The following DHRSX variants were observed in gnomAD, a reference collection of about 807,000 sequenced individuals.
The protein encoded by DHRSX is polyprenol dehydrogenase.
Under a neutral mutation model 34.0 loss-of-function variants are expected in DHRSX, and 31 were observed. The observed-to-expected ratio is 0.91, with a 90% CI of 0.69 to 1.23. DHRSX has a LOEUF of 1.23. DHRSX is among the 50% of genes most tolerant of loss of function. The pLI, the probability that DHRSX is intolerant of heterozygous loss-of-function variation, is 0.00. For synonymous variants in DHRSX, 201 were observed against 183.8 expected (o/e 1.09, Z -0.76); for missense variants, 414 against 428.1 (o/e 0.97, Z 0.29).
At chrX:2,474,573 G>A (rs1457841588) in intron 1 of DHRSX, among the ~76,000 whole-genome samples, 3 of 150,518 alleles carry the variant, frequency 2.0e-5, no homozygotes, top group African/African-American at 7.4e-5. Flanking sequence ...GCCACGCTGT[G>A]CATACTGAAG....
chrX:2,490,303 G>A (rs2045100107), intron 1 of DHRSX: 3 of 1,613,402 alleles, frequency 1.9e-6, no homozygotes, highest in South Asian at 2.2e-5. Context: ...TGGAGGCTGG[G>A]TACAGCCCCT....
In DHRSX at chrX:2,358,488, G is replaced by C. The variant is rs113399737; in HGVS notation, c.286+50257C>G. ...CGAGGCGGGTGGATCACAAGGTCAG[G>C]AGATCAAGACCATCCTGGCTAACAC... On this transcript the variant is annotated intron_variant, in intron 3 of 6. Transcript: ENST00000334651. Among the ~76,000 whole-genome samples, 708 of 151,986 alleles carry C rather than the reference G, an allele frequency of 4.7e-3. 12 individuals carry two copies. The highest frequency in any genetic ancestry group is 4.6e-3 in the Non-Finnish European group (312 of 67,932).
intron 3 of DHRSX, among the ~76,000 whole-genome samples, chrX:2,310,500 C>T (rs767289393): frequency 6.6e-6 from 1 of 151,644 alleles, no homozygotes; most frequent in South Asian, 2.1e-4. Context: ...CTAAGACCTA[C>T]TGTGAAAGAC....
chrX:2,306,247 G>A (rs984761895), intron 3 of DHRSX, among the ~76,000 whole-genome samples: 27 of 151,194 alleles, frequency 1.8e-4, no homozygotes, highest in Non-Finnish European at 2.9e-4. Context: ...GAGCTACCTC[G>A]CACCAAGAGA....
intron 4 of DHRSX, among the ~76,000 whole-genome samples, chrX:2,269,989 T>C (rs1485005170): frequency 6.6e-6 from 1 of 152,232 alleles, no homozygotes; most frequent in South Asian, 2.1e-4. Context: ...GTATCTTATA[T>C]GGAGCTATCT....
chrX:2,414,351 CA>C (rs1484601751), intron 2 of DHRSX, among the ~76,000 whole-genome samples: 2 of 151,888 alleles, frequency 1.3e-5, no homozygotes, highest in Non-Finnish European at 2.9e-5. Flanking sequence ...CATGACCTAA[CA>C]AAATCTCATC....
At chrX:2,471,124 G>A (rs1219924949) in intron 1 of DHRSX, among the ~76,000 whole-genome samples, 8 of 151,988 alleles carry the variant, frequency 5.3e-5, no homozygotes, top group Middle Eastern at 3.2e-3. Context: ...AAAATGACTC[G>A]CATTTCCAGG....
chrX:2,224,911 G>A (rs867670579), intron 6 of DHRSX, among the ~76,000 whole-genome samples: 3 of 132,710 alleles, frequency 2.3e-5, no homozygotes, highest in African/African-American at 5.8e-5. Flanking sequence ...ACACACACAC[G>A]TACACACACA....
chrX:2,299,036 C>T (rs2041980653), intron 3 of DHRSX, among the ~76,000 whole-genome samples: 1 of 149,610 alleles, frequency 6.7e-6, no homozygotes, highest in Non-Finnish European at 1.5e-5. Flanking sequence ...TGGAAGGATT[C>T]CTTAACTCAT....
intron 1 of DHRSX, among the ~76,000 whole-genome samples, chrX:2,462,399 T>C (rs1037607545): frequency 5.3e-5 from 8 of 152,098 alleles, no homozygotes; most frequent in Non-Finnish European, 1.0e-4. Flanking sequence ...ACACAACATT[T>C]ATATAAAATT....
intron 6 of DHRSX, among the ~76,000 whole-genome samples, chrX:2,232,584 T>A (rs2015921692): frequency 6.6e-6 from 1 of 151,826 alleles, no homozygotes; most frequent in South Asian, 2.1e-4. Context: ...TTTTTTTATT[T>A]TTTATTATTT....
At chrX:2,268,804 A>G (rs2041509978) in intron 4 of DHRSX, among the ~76,000 whole-genome samples, 1 of 152,274 alleles carries the variant, frequency 6.6e-6, no homozygotes, top group South Asian at 2.1e-4. Flanking sequence ...ATACACCTAC[A>G]AACACACAGC....
chrX:2,370,646 C>T (rs1014582228), intron 3 of DHRSX, among the ~76,000 whole-genome samples: 4 of 151,226 alleles, frequency 2.6e-5, no homozygotes, highest in African/African-American at 7.4e-5. Context: ...TCCAAGTCAG[C>T]CTAGGACAAG....
At chrX:2,342,797 C>T (rs924604631) in intron 3 of DHRSX, among the ~76,000 whole-genome samples, 3 of 152,152 alleles carry the variant, frequency 2.0e-5, no homozygotes, top group Admixed American at 2.0e-4. Context: ...GCTAACAGAG[C>T]CAATGGATTG....
chrX:2,393,697 T>C (rs1304920263), intron 3 of DHRSX, among the ~76,000 whole-genome samples: 1 of 136,134 alleles, frequency 7.3e-6, no homozygotes, highest in Non-Finnish European at 1.5e-5. Context: ...CCCTGTCTCC[T>C]GCGCACACAC....
intron 3 of DHRSX, among the ~76,000 whole-genome samples, chrX:2,325,851 T>C (rs2124539908): frequency 6.6e-6 from 1 of 151,770 alleles, no homozygotes; most frequent in East Asian, 1.9e-4. Context: ...ACCATTTCTC[T>C]TTCTCTTCTC....
chrX:2,231,183 A>G (rs1176967872), intron 6 of DHRSX, among the ~76,000 whole-genome samples: 2 of 152,102 alleles, frequency 1.3e-5, no homozygotes, highest in African/African-American at 2.4e-5. Flanking sequence ...CTCAGAGCCT[A>G]TGATGTCTTT....
chrX:2,386,780 T>C (rs2043277430), intron 3 of DHRSX, among the ~76,000 whole-genome samples: 1 of 152,186 alleles, frequency 6.6e-6, no homozygotes, highest in African/African-American at 2.4e-5. Context: ...TTCCAATTCA[T>C]GCTAATCTGT....
chrX:2,226,840 C>T (rs770684205), intron 6 of DHRSX, among the ~76,000 whole-genome samples: 6 of 152,000 alleles, frequency 3.9e-5, no homozygotes, highest in Admixed American at 2.6e-4. Context: ...ACCATGGGCA[C>T]GGTTTCTCGT....
Sources: gnomAD v4.1 joint callset for allele counts (sites outside exome capture counted in the v4.1 genomes callset) on GRCh38, gnomAD v4.1.1 for gene constraint, MANE v1.5 for transcripts, NCBI Gene and HGNC (gene_info 2026-07-23, HGNC 2026-07-21) for gene names.